Variants in TGFBR2 observed in about 807,000 individuals in gnomAD.
TGFBR2 encodes transforming growth factor beta receptor 2, also known as TGF-beta receptor type-2.
A neutral mutation model predicts 49.0 loss-of-function variants in TGFBR2; 18 were observed. The observed-to-expected ratio is 0.37, with a 90% CI of 0.25 to 0.54. The LOEUF (loss-of-function observed/expected upper bound fraction) is 0.54, where lower values mean the gene tolerates loss of function less well. Among genes scored for constraint, TGFBR2 ranks in the 20% least tolerant of loss-of-function variants. TGFBR2 has a pLI of 0.85. For missense variants in TGFBR2, 525 were observed against 722.6 expected (o/e 0.73, Z 3.13); for synonymous variants, 282 against 275.9 (o/e 1.02, Z -0.22).
intron 1 of TGFBR2, among the ~76,000 whole-genome samples, chr3:30,614,096 T>G (rs990940254): frequency 6.7e-6 from 1 of 150,318 alleles, no homozygotes; most frequent in Non-Finnish European, 1.5e-5. Flanking sequence ...GAACTTTAGC[T>G]CTATACTTTT....
intron 1 of TGFBR2, among the ~76,000 whole-genome samples, chr3:30,607,431 G>A (rs1437278178): frequency 6.6e-6 from 1 of 152,258 alleles, no homozygotes; most frequent in Non-Finnish European, 1.5e-5. Context: ...CAAAAGGCCA[G>A]CTCCTCAGTC....
chr3:30,611,402 T>G (rs923338309), intron 1 of TGFBR2, among the ~76,000 whole-genome samples: 6 of 152,236 alleles, frequency 3.9e-5, no homozygotes, highest in African/African-American at 1.2e-4. Context: ...AATTGGTTCT[T>G]GTATTCTCAT....
At chr3:30,662,213 A>G (rs967346519) in intron 3 of TGFBR2, among the ~76,000 whole-genome samples, 1 of 152,232 alleles carries the variant, frequency 6.6e-6, no homozygotes, top group Non-Finnish European at 1.5e-5. Context: ...CTTTATCCCA[A>G]TATATCTGCA....
At chr3:30,668,059 G>A (rs904798013) in intron 3 of TGFBR2, among the ~76,000 whole-genome samples, 2 of 152,104 alleles carry the variant, frequency 1.3e-5, no homozygotes, top group Non-Finnish European at 1.5e-5. Context: ...AAATGGGGAT[G>A]GAAATCATTC....
At position 30,669,153 on chromosome 3, in the gene TGFBR2, G is replaced by T. The variant is rs143159748; in HGVS notation, c.455-2485G>T. On this transcript the variant is annotated intron_variant, in intron 3 of 6. Coordinates refer to ENST00000295754, the MANE Select transcript of TGFBR2 (RefSeq NM_003242.6). ...AAAAAAAAAAAAAAAAAAAAAAAAA[G>T]CTGGGCATAGAGGCTAAGGCAGGAG... Among the ~76,000 whole-genome samples the T allele has an allele frequency of 8.4e-3, 911 of 108,424 alleles. 14 individuals are homozygous for T. The East Asian group carries it at 0.088, about 10-fold the overall frequency. 71.1% of individuals were successfully genotyped at this position (108,424 alleles called of 152,430 possible).
intron 1 of TGFBR2, among the ~76,000 whole-genome samples, chr3:30,636,183 G>GTGTGTGTGTGTT: frequency 6.7e-6 from 1 of 149,580 alleles, no homozygotes; most frequent in Non-Finnish European, 1.5e-5. Context: ...GTGTGTGTGT[G>GTGTGTGTGTGTT]TGTGTGTGTG....
At chr3:30,655,912 G>T (rs928963684) in intron 3 of TGFBR2, among the ~76,000 whole-genome samples, 1 of 152,196 alleles carries the variant, frequency 6.6e-6, no homozygotes, top group African/African-American at 2.4e-5. Context: ...GTCTAGACCA[G>T]CAGCAGCAGG....
At chr3:30,677,101 C>G (rs1699453431) in intron 5 of TGFBR2, among the ~76,000 whole-genome samples, 1 of 152,168 alleles carries the variant, frequency 6.6e-6, no homozygotes, top group Non-Finnish European at 1.5e-5. Flanking sequence ...GATTGTGTCT[C>G]TGTCTTTCCC....
intron 1 of TGFBR2, among the ~76,000 whole-genome samples, chr3:30,628,581 G>A (rs1698380948): frequency 1.1e-5 from 1 of 91,500 alleles, no homozygotes; most frequent in Non-Finnish European, 2.2e-5. Flanking sequence ...CCTTTCTTTA[G>A]GCTTGTGTGG....
chr3:30,669,280 G>T (rs1575156433), intron 3 of TGFBR2, among the ~76,000 whole-genome samples: 1 of 151,516 alleles, frequency 6.6e-6, no homozygotes, highest in East Asian at 1.9e-4. Flanking sequence ...AAAAAAAAAA[G>T]AAAGTATCAG....
At chr3:30,614,533 A>G (rs1178438084) in intron 1 of TGFBR2, among the ~76,000 whole-genome samples, 2 of 152,138 alleles carry the variant, frequency 1.3e-5, no homozygotes, top group Non-Finnish European at 2.9e-5. Flanking sequence ...AAATCCTGCA[A>G]ACTTTTCTAC....
Position 30,607,799 on chromosome 3 carries a change from A to AATAT in TGFBR2, c.94+833_94+836dup, listed in dbSNP as rs1553624165. 4.0e-4 allele frequency among the ~76,000 whole-genome samples: 55 copies of AATAT among 138,314 alleles called. 1 individual carries two copies. Among genetic ancestry groups the AATAT allele is most frequent in the South Asian group, 3.3e-3 (14 of 4,278 alleles). 90.7% of individuals were successfully genotyped at this position (138,314 alleles called of 152,430 possible). The stretch of plus-strand genomic sequence containing the variant: ...TTTAAGGAAAAAATAAAAATAAAAA[A>AATAT]ATATATATATATATTATATATATAT... On this transcript the variant is annotated intron_variant, in intron 1 of 6. Transcript: ENST00000295754.
chr3:30,641,001 TGTG>T (rs1468332297), intron 1 of TGFBR2, among the ~76,000 whole-genome samples: 1 of 152,208 alleles, frequency 6.6e-6, no homozygotes, highest in Admixed American at 6.5e-5. Context: ...CATCTTTTCC[TGTG>T]GTTTGGAGTG....
At chr3:30,626,181 C>G (rs1698328255) in intron 1 of TGFBR2, among the ~76,000 whole-genome samples, 1 of 152,140 alleles carries the variant, frequency 6.6e-6, no homozygotes, top group African/African-American at 2.4e-5. Flanking sequence ...AGAATTTCAC[C>G]AGAGAGGTCA....
chr3:30,674,259 C>A lies in TGFBR2; in HGVS notation c.1396+13C>A, dbSNP rs2125439510. 6.2e-7 allele frequency: 1 copy of A among 1,613,952 alleles called. No individual in the cohort carries two copies. Among genetic ancestry groups the A allele is most frequent in the Non-Finnish European group, 8.5e-7 (1 of 1,179,912 alleles). Reference sequence around the variant, plus strand: ...AATGCAGTGGGAGGTAGGTGTGGACCAGCATCATTGTGTAGTGGTAAACTT... The same window carrying A: ...AATGCAGTGGGAGGTAGGTGTGGACAAGCATCATTGTGTAGTGGTAAACTT... On this transcript the variant is annotated intron_variant, in intron 5 of 6. Coordinates refer to ENST00000295754, the MANE Select transcript of TGFBR2 (RefSeq NM_003242.6).
rs180789309 is a variant in TGFBR2, at chr3:30,673,370, T to G, written c.1255-735T>G. Among the ~76,000 whole-genome samples the G allele has an allele frequency of 1.2e-3, 186 of 152,330 alleles. 2 individuals are homozygous for G. The highest frequency in any genetic ancestry group is 4.1e-3 in the African/African-American group (171 of 41,578). On this transcript the variant is annotated intron_variant, in intron 4 of 6. Transcript: ENST00000295754. The stretch of plus-strand genomic sequence containing the variant: ...TAGGACTTTATTGTTATTTAGTCAG[T>G]TTATACATACTACAACACTAAATAT...
intron 1 of TGFBR2, among the ~76,000 whole-genome samples, chr3:30,643,226 G>A (rs903768550): frequency 6.6e-6 from 1 of 152,180 alleles, no homozygotes; most frequent in Non-Finnish European, 1.5e-5. Context: ...GCCTCTCTAA[G>A]GGTTATGCCT....
chr3:30,679,293 G>A (rs1208193164), intron 5 of TGFBR2, among the ~76,000 whole-genome samples: 2 of 152,172 alleles, frequency 1.3e-5, no homozygotes, highest in South Asian at 2.1e-4. Context: ...GCTCTTAAAG[G>A]AAGAGGAAGA....
chr3:30,627,182 A>G (rs1698347720), intron 1 of TGFBR2, among the ~76,000 whole-genome samples: 1 of 152,216 alleles, frequency 6.6e-6, no homozygotes, highest in Admixed American at 6.5e-5. Flanking sequence ...TTCCGCACAC[A>G]GTAGCCTAGA....
Sources: allele counts gnomAD v4.1 joint callset (sites outside exome capture counted in the v4.1 genomes callset), GRCh38; gene constraint gnomAD v4.1.1; transcripts MANE v1.5; gene names NCBI Gene and HGNC (gene_info 2026-07-23, HGNC 2026-07-21).